The following MYO3B variants were observed in gnomAD, a reference collection of about 807,000 sequenced individuals.
MYO3B encodes myosin-IIIb.
In MYO3B, 156 loss-of-function variants were observed where a neutral mutation model predicts 174.6. The ratio of observed to expected loss-of-function variants is 0.89; its 90% confidence interval spans 0.78 to 1.02. The LOEUF (loss-of-function observed/expected upper bound fraction) is 1.02, where lower values mean the gene tolerates loss of function less well. Ranked by LOEUF, MYO3B falls within the 50% of genes least tolerant of loss-of-function variation. MYO3B has a pLI of 0.00. For missense variants in MYO3B, 1,632 were observed against 1,639.4 expected, an observed-to-expected ratio of 1.00 and a Z score of 0.08; for synonymous variants, 563 against 569.1, an observed-to-expected ratio of 0.99 and a Z score of 0.15.
In MYO3B at chr2:170,611,479, T is replaced by C. The variant is rs550214654; in HGVS notation, c.3734-40149T>C. Among the ~76,000 whole-genome samples the C allele has an allele frequency of 3.9e-4, 59 of 152,156 alleles. No homozygotes were observed. The South Asian group carries it at 7.9e-3, about 20-fold the overall frequency. On this transcript the variant is annotated intron_variant, in intron 32 of 34. Transcript: ENST00000408978. ...TTTGTAAAATGGGTATGAAAAAAAA[T>C]TTGCACAAAATGCGGGTGTTGAGGA...
chr2:170,238,226 C>T (rs977225006), intron 7 of MYO3B, among the ~76,000 whole-genome samples: 1 of 152,146 alleles, frequency 6.6e-6, no homozygotes, highest in Non-Finnish European at 1.5e-5. Context: ...AAAATGTATC[C>T]TTTCCCCAGA....
At chr2:170,648,441 G>T (rs1203439439) in intron 32 of MYO3B, among the ~76,000 whole-genome samples, 2 of 151,612 alleles carry the variant, frequency 1.3e-5, no homozygotes, top group Non-Finnish European at 2.9e-5. Context: ...ACCAGGCTGG[G>T]CAACATGATG....
At chr2:170,637,171 GTT>G (rs33947498) in intron 32 of MYO3B, among the ~76,000 whole-genome samples, 26,833 of 125,296 alleles carry the variant, frequency 0.21, 3,281 homozygotes, top group East Asian at 0.45. Context: ...AGAGTGTAGG[GTT>G]TTTTTTTTTT....
intron 7 of MYO3B, among the ~76,000 whole-genome samples, chr2:170,296,055 T>C (rs978740956): frequency 6.6e-6 from 1 of 152,260 alleles, no homozygotes; most frequent in African/African-American, 2.4e-5. Context: ...AATTTGAGAG[T>C]TACAGATGCT....
chr2:170,514,882 A>T (rs377066819), intron 28 of MYO3B, 39 bp from the exon 29 acceptor site: 1 of 1,572,088 alleles, frequency 6.4e-7, no homozygotes, highest in African/African-American at 1.4e-5. Context: ...TAGGTGTGGG[A>T]GCATAACCTT....
At chr2:170,565,080 T>C (rs902551349) in intron 32 of MYO3B, among the ~76,000 whole-genome samples, 1 of 152,218 alleles carries the variant, frequency 6.6e-6, no homozygotes, top group South Asian at 2.1e-4. Flanking sequence ...AAAGTGCAAG[T>C]GACCATGACT....
intron 32 of MYO3B, among the ~76,000 whole-genome samples, chr2:170,551,192 A>G (rs1263869279): frequency 2.0e-5 from 3 of 151,816 alleles, no homozygotes; most frequent in African/African-American, 7.3e-5. Flanking sequence ...GAGCCACCAC[A>G]CCCAGCCAGA....
chr2:170,193,975 A>G (rs1017105664), intron 1 of MYO3B, among the ~76,000 whole-genome samples: 1 of 152,120 alleles, frequency 6.6e-6, no homozygotes, highest in African/African-American at 2.4e-5. Flanking sequence ...TTTTGTAAAC[A>G]TACTTCACAC....
intron 6 of MYO3B, among the ~76,000 whole-genome samples, chr2:170,229,584 A>C (rs1439826653): frequency 1.3e-5 from 2 of 152,244 alleles, no homozygotes; most frequent in Admixed American, 1.3e-4. Flanking sequence ...TGACAGCAAA[A>C]ATACTATAAT....
intron 7 of MYO3B, among the ~76,000 whole-genome samples, chr2:170,329,114 T>C (rs2105518067): frequency 6.6e-6 from 1 of 151,584 alleles, no homozygotes; most frequent in East Asian, 1.9e-4. Context: ...ATCGCTCCAT[T>C]GCACTCCATC....
intron 8 of MYO3B, chr2:170,350,548 C>T (rs2094057903): frequency 6.6e-6 from 1 of 152,098 alleles, no homozygotes; most frequent in African/African-American, 2.4e-5. Context: ...AGAAACATCA[C>T]CATTTGAAGG....
At chr2:170,542,771 C>T (rs1413212655) in intron 30 of MYO3B, 135 bp from the exon 31 acceptor site, 1 of 654,914 alleles carries the variant, frequency 1.5e-6, no homozygotes, top group African/African-American at 1.8e-5. Flanking sequence ...TCCTTTTAAC[C>T]AAGGACTGAA....
At chr2:170,210,877 G>C (rs1447502330) in intron 3 of MYO3B, among the ~76,000 whole-genome samples, 1 of 152,016 alleles carries the variant, frequency 6.6e-6, no homozygotes, top group Non-Finnish European at 1.5e-5. Context: ...CTTTTTTATA[G>C]ACATCACACA....
intron 8 of MYO3B, chr2:170,344,724 C>T (rs17497102): frequency 0.089 from 13,509 of 152,082 alleles, 893 homozygotes; most frequent in African/African-American, 0.18. Context: ...AATGAAAGCT[C>T]AGCAAATACT....
intron 2 of MYO3B, 123 bp from the exon 3 acceptor site, chr2:170,200,027 A>G: frequency 1.2e-6 from 1 of 806,192 alleles, no homozygotes; most frequent in Non-Finnish European, 1.9e-6. Flanking sequence ...TTTTGAAGGT[A>G]TGGTAATGAG....
rs146200086 is a variant in MYO3B at position 170,596,830 on chromosome 2, G to A, written c.3733+52842G>A. ...GCACATGGTCACCAGCCACAGGCCT[G>A]TAAAATAGGCTTAGATTCCTTCAGA... is the stretch of plus-strand genomic sequence containing the variant. On this transcript the variant is annotated intron_variant, in intron 32 of 34. Coordinates refer to ENST00000408978, the MANE Select transcript of MYO3B (RefSeq NM_138995.5). Among the ~76,000 whole-genome samples, 7 of 152,346 alleles carry A rather than the reference G, an allele frequency of 4.6e-5. No homozygotes were observed. The East Asian group carries it at 9.7e-4, about 21-fold the overall frequency.
At chr2:170,294,005 A>G (rs2093613059) in intron 7 of MYO3B, among the ~76,000 whole-genome samples, 1 of 151,492 alleles carries the variant, frequency 6.6e-6, no homozygotes, top group African/African-American at 2.4e-5. Context: ...ACCTGCTCCT[A>G]TTTACTTCTC....
chr2:170,314,885 A>G (rs1401657094), intron 7 of MYO3B, among the ~76,000 whole-genome samples: 1 of 152,174 alleles, frequency 6.6e-6, no homozygotes, highest in Non-Finnish European at 1.5e-5. Flanking sequence ...TGTATTTCTT[A>G]CTCAGCATTA....
At chr2:170,392,800 A>C (rs1456249065) in intron 16 of MYO3B, among the ~76,000 whole-genome samples, 1 of 152,182 alleles carries the variant, frequency 6.6e-6, no homozygotes, top group Non-Finnish European at 1.5e-5. Context: ...TGTGCTGATA[A>C]ATTGTTATCA....
Sources: gnomAD v4.1 joint callset for allele counts (sites outside exome capture counted in the v4.1 genomes callset) on GRCh38, gnomAD v4.1.1 for gene constraint, MANE v1.5 for transcripts, NCBI Gene and HGNC (gene_info 2026-07-23, HGNC 2026-07-21) for gene names.